Variants in LRRTM4 observed in about 807,000 individuals in gnomAD.
LRRTM4 encodes leucine-rich repeat transmembrane neuronal protein 4.
A neutral mutation model predicts 47.6 loss-of-function variants in LRRTM4; 25 were observed. The observed-to-expected ratio is 0.53, with a 90% CI of 0.38 to 0.73. LRRTM4 has a LOEUF of 0.73. LRRTM4 is among the 30% of genes least tolerant of loss of function. The pLI is 0.00. For missense variants in LRRTM4, 638 were observed against 713.4 expected, an observed-to-expected ratio of 0.89 and a Z score of 1.20; for synonymous variants, 311 against 269.5, an observed-to-expected ratio of 1.15 and a Z score of -1.51.
At chr2:77,195,381 G>A (rs539207984) in intron 3 of LRRTM4, among the ~76,000 whole-genome samples, 23 of 152,030 alleles carry the variant, frequency 1.5e-4, no homozygotes, top group Non-Finnish European at 2.6e-4. Flanking sequence ...ATGATTTATA[G>A]AGAATTTTAA....
At chr2:77,306,019 A>G (rs1677261459) in intron 3 of LRRTM4, among the ~76,000 whole-genome samples, 1 of 152,152 alleles carries the variant, frequency 6.6e-6, no homozygotes, top group African/African-American at 2.4e-5. Context: ...CCACATGTCC[A>G]TGTTTACATC....
chr2:77,238,967 C>T (rs7588129), intron 3 of LRRTM4, among the ~76,000 whole-genome samples: 17,673 of 151,442 alleles, frequency 0.12, 1,545 homozygotes, highest in East Asian at 0.33. Flanking sequence ...TCTTAATGTA[C>T]CTCATAAGTA....
intron 3 of LRRTM4, among the ~76,000 whole-genome samples, chr2:77,414,432 C>T (rs549650850): frequency 4.2e-4 from 64 of 152,312 alleles, no homozygotes; most frequent in African/African-American, 1.3e-3. Context: ...CCCCTGCCCT[C>T]TCCCCAGACC....
chr2:77,373,463 C>T (rs1672723851), intron 3 of LRRTM4, among the ~76,000 whole-genome samples: 1 of 151,692 alleles, frequency 6.6e-6, no homozygotes, highest in Admixed American at 6.6e-5. Context: ...TTCTATAAAA[C>T]TGGTGCTACA....
chr2:77,057,144 T>C (rs1280469156), intron 3 of LRRTM4, among the ~76,000 whole-genome samples: 1 of 152,224 alleles, frequency 6.6e-6, no homozygotes, highest in Non-Finnish European at 1.5e-5. Context: ...ATACAAAATT[T>C]GCTGATCCCT....
chr2:77,320,547 A>G (rs1014872603), intron 3 of LRRTM4, among the ~76,000 whole-genome samples: 1 of 152,202 alleles, frequency 6.6e-6, no homozygotes, highest in Non-Finnish European at 1.5e-5. Flanking sequence ...AAAAGGACTC[A>G]ATGTGGCTGA....
intron 3 of LRRTM4, among the ~76,000 whole-genome samples, chr2:76,993,145 T>G (rs1236959005): frequency 6.6e-6 from 1 of 151,888 alleles, no homozygotes; most frequent in African/African-American, 2.4e-5. Flanking sequence ...TATTTAAAAG[T>G]AAGACCTCAA....
chr2:77,239,668 A>C (rs774495106), intron 3 of LRRTM4, among the ~76,000 whole-genome samples: 26 of 151,930 alleles, frequency 1.7e-4, no homozygotes, highest in Non-Finnish European at 3.7e-4. Flanking sequence ...CATTAGGGAT[A>C]ACAAAGTTAA....
chr2:77,074,121 T>C (rs939643578), intron 3 of LRRTM4, among the ~76,000 whole-genome samples: 2 of 152,194 alleles, frequency 1.3e-5, no homozygotes, highest in East Asian at 1.9e-4. Flanking sequence ...CAATTTTAAA[T>C]GTCTTAATGG....
At chr2:77,090,287 G>C (rs1352262890) in intron 3 of LRRTM4, among the ~76,000 whole-genome samples, 1 of 152,040 alleles carries the variant, frequency 6.6e-6, no homozygotes, top group Non-Finnish European at 1.5e-5. Flanking sequence ...AAGCGTTTAG[G>C]CTCTTTCTCA....
chr2:76,772,354 T>C (rs1004215582), intron 3 of LRRTM4, among the ~76,000 whole-genome samples: 2 of 152,140 alleles, frequency 1.3e-5, no homozygotes, highest in Non-Finnish European at 2.9e-5. Context: ...TAGGGTACTT[T>C]TTGTTATAGC....
At position 77,521,664 on chromosome 2, in the gene LRRTM4, T is replaced by A; in HGVS notation, c.4+4A>T. 1 of 1,612,260 alleles carries A rather than the reference T, an allele frequency of 6.2e-7. No homozygotes were observed. Among genetic ancestry groups the A allele is most frequent in the Non-Finnish European group, 8.5e-7 (1 of 1,179,118 alleles). ...TCAGAAGGAAACAACAAAAGTTCAC[T>A]TACCCATCCTTTGTCATCCAAAAAC... On this transcript the variant is annotated splice_donor_region_variant and intron_variant, in intron 2 of 3. Transcript: ENST00000409884.
chr2:77,358,556 T>C (rs778565373), intron 3 of LRRTM4, among the ~76,000 whole-genome samples: 3 of 152,218 alleles, frequency 2.0e-5, no homozygotes, highest in Non-Finnish European at 2.9e-5. Flanking sequence ...ATTTGAACCA[T>C]AGCCGCTTCA....
intron 3 of LRRTM4, among the ~76,000 whole-genome samples, chr2:77,192,420 A>C (rs1673694909): frequency 6.6e-6 from 1 of 152,090 alleles, no homozygotes; most frequent in South Asian, 2.1e-4. Flanking sequence ...GGTACTTCCT[A>C]ATTTAAAAAA....
intron 3 of LRRTM4, among the ~76,000 whole-genome samples, chr2:77,100,840 C>CTGATTCTT (rs1670933089): frequency 6.8e-6 from 1 of 147,592 alleles, no homozygotes; most frequent in African/African-American, 2.5e-5. Flanking sequence ...TAAAGTAGCT[C>CTGATTCTT]TGATTCTTTT....
At chr2:77,134,633 TAATA>T (rs1671884469) in intron 3 of LRRTM4, among the ~76,000 whole-genome samples, 1 of 152,188 alleles carries the variant, frequency 6.6e-6, no homozygotes, top group Non-Finnish European at 1.5e-5. Context: ...TTTCAAACTT[TAATA>T]TTTTTTACTA....
intron 3 of LRRTM4, among the ~76,000 whole-genome samples, chr2:77,330,596 T>A (rs1360841777): frequency 6.6e-6 from 1 of 152,094 alleles, no homozygotes; most frequent in Non-Finnish European, 1.5e-5. Flanking sequence ...AACGAAAAAA[T>A]TGCATGTATA....
At chr2:76,749,808 T>C (rs1672785123) in intron 3 of LRRTM4, among the ~76,000 whole-genome samples, 1 of 152,234 alleles carries the variant, frequency 6.6e-6, no homozygotes, top group Non-Finnish European at 1.5e-5. Context: ...TGATACTTGC[T>C]TACTTGTTGT....
At chr2:77,415,888 T>C (rs926400475) in intron 3 of LRRTM4, among the ~76,000 whole-genome samples, 1 of 152,106 alleles carries the variant, frequency 6.6e-6, no homozygotes, top group African/African-American at 2.4e-5. Context: ...CATAAATAAA[T>C]AAAACACAAA....
Sources: allele counts gnomAD v4.1 joint callset (sites outside exome capture counted in the v4.1 genomes callset), GRCh38; gene constraint gnomAD v4.1.1; transcripts MANE v1.5; gene names NCBI Gene and HGNC (gene_info 2026-07-23, HGNC 2026-07-21).